Variants in RUNX1 observed in about 807,000 individuals in gnomAD.
RUNX1 encodes runt-related transcription factor 1.
A neutral mutation model predicts 42.8 loss-of-function variants in RUNX1; 19 were observed. The ratio of observed to expected loss-of-function variants is 0.44; its 90% CI spans 0.31 to 0.65. The LOEUF is 0.65. RUNX1 is among the 30% of genes least tolerant of loss of function. RUNX1 has a pLI of 0.07. For missense variants in RUNX1, 528 were observed against 672.0 expected, an observed-to-expected ratio of 0.79 and a Z score of 2.37; for synonymous variants, 271 against 289.4, an observed-to-expected ratio of 0.94 and a Z score of 0.64.
At chr21:34,844,670 G>C (rs575325394) in intron 6 of RUNX1, among the ~76,000 whole-genome samples, 4 of 152,322 alleles carry the variant, frequency 2.6e-5, no homozygotes, top group Non-Finnish European at 1.5e-5. Context: ...CAGTGTGGAG[G>C]ATGATCTCTC....
rs1294622802 is a variant in RUNX1, at chr21:35,022,795, T to C, written c.58+26047A>G. ...CCGTAATCCCGGCTACTCAGGAAGC[T>C]GAGGCAGGAGAATTGCTTGAACCCA... On this transcript the variant is annotated intron_variant, in intron 2 of 8. Coordinates refer to ENST00000675419, the MANE Select transcript of RUNX1 (RefSeq NM_001754.5). 4.6e-5 allele frequency among the ~76,000 whole-genome samples: 7 copies of C among 151,892 alleles called. No individual in the cohort carries two copies. In the South Asian group the frequency reaches 1.5e-3, roughly 32 times the overall value.
At chr21:35,041,971 TGA>T (rs1182917742) in intron 2 of RUNX1, among the ~76,000 whole-genome samples, 1 of 152,120 alleles carries the variant, frequency 6.6e-6, no homozygotes, top group Non-Finnish European at 1.5e-5. Context: ...GGGGGATTTT[TGA>T]GAGTTTAAAA....
chr21:34,794,977 G>C (rs570628403), intron 8 of RUNX1, among the ~76,000 whole-genome samples: 14 of 152,322 alleles, frequency 9.2e-5, no homozygotes, highest in African/African-American at 3.4e-4. Flanking sequence ...TGCAGATGTA[G>C]AAGGGCACCC....
intron 7 of RUNX1, among the ~76,000 whole-genome samples, chr21:34,806,972 G>C (rs377715933): frequency 6.6e-6 from 1 of 152,044 alleles, no homozygotes; most frequent in Non-Finnish European, 1.5e-5. Flanking sequence ...ACAGTACTTA[G>C]AGGGAAATTT....
intron 6 of RUNX1, chr21:34,856,556 A>G (rs1031305174): frequency 2.3e-6 from 1 of 441,908 alleles, no homozygotes; most frequent in Non-Finnish European, 4.4e-6. Flanking sequence ...AGACATCAGG[A>G]ACTCCTCATT....
intron 2 of RUNX1, among the ~76,000 whole-genome samples, chr21:34,952,090 G>A (rs1651446634): frequency 6.6e-6 from 1 of 152,126 alleles, no homozygotes; most frequent in Non-Finnish European, 1.5e-5. Flanking sequence ...CATGGATGAA[G>A]CTGGAAATCA....
At chr21:35,038,860 G>T (rs1394306225) in intron 2 of RUNX1, 1 of 401,202 alleles carries the variant, frequency 2.5e-6, no homozygotes, top group Non-Finnish European at 5.0e-6. Flanking sequence ...CTGCATGGAT[G>T]TGCACATTGG....
intron 2 of RUNX1, among the ~76,000 whole-genome samples, chr21:34,972,478 C>T (rs1432528642): frequency 1.3e-5 from 2 of 152,094 alleles, no homozygotes; most frequent in African/African-American, 4.8e-5. Flanking sequence ...ATGAAAATAA[C>T]CAAAAGCAAA....
chr21:34,874,070 C>T (rs2057777865), intron 5 of RUNX1, among the ~76,000 whole-genome samples: 1 of 151,880 alleles, frequency 6.6e-6, no homozygotes, highest in Admixed American at 6.6e-5. Flanking sequence ...GAATTTAGTC[C>T]TCAAAGATAA....
chr21:34,939,455 G>C (rs2058510438), intron 2 of RUNX1, among the ~76,000 whole-genome samples: 1 of 152,174 alleles, frequency 6.6e-6, no homozygotes, highest in Admixed American at 6.5e-5. Context: ...TGATATGTAG[G>C]AAAGTTACAC....
intron 5 of RUNX1, among the ~76,000 whole-genome samples, chr21:34,879,882 A>G (rs903667301): frequency 4.6e-5 from 7 of 152,232 alleles, no homozygotes; most frequent in African/African-American, 1.7e-4. Flanking sequence ...AAAATCACAC[A>G]TGGAGCTGAA....
Position 34,943,302 on chromosome 21 carries a change from C to T in RUNX1, c.59-50339G>A, listed in dbSNP as rs572640783. Among the ~76,000 whole-genome samples, 5 of 147,912 alleles carry T rather than the reference C, an allele frequency of 3.4e-5. No homozygotes were observed. The East Asian group carries it at 9.9e-4, about 29-fold the overall frequency. ...AGAATCTGTCTTGAGGAACATTTCC[C>T]CCTTTAACTTCTTTGCTGTCTTTAC... is the stretch of plus-strand genomic sequence containing the variant. On this transcript the variant is annotated intron_variant, in intron 2 of 8. Transcript: ENST00000675419.
intron 5 of RUNX1, among the ~76,000 whole-genome samples, chr21:34,875,704 G>A (rs910255930): frequency 2.0e-5 from 3 of 152,046 alleles, no homozygotes; most frequent in Admixed American, 6.6e-5. Context: ...ATAATACTGC[G>A]AGTCATTCAG....
chr21:34,894,601 G>T (rs1317772355), intron 2 of RUNX1, among the ~76,000 whole-genome samples: 1 of 152,058 alleles, frequency 6.6e-6, no homozygotes, highest in Non-Finnish European at 1.5e-5. Flanking sequence ...CAAACTGCAA[G>T]AGAGGGGAGG....
intron 6 of RUNX1, 30 bp from the exon 7 acceptor site, chr21:34,834,631 TGGGGGGAG>T: frequency 1.0e-6 from 1 of 974,494 alleles, no homozygotes; most frequent in Non-Finnish European, 1.6e-6. Flanking sequence ...GGGGAGGGGA[TGGGGGGAG>T]GGAAGGAGGG....
In RUNX1 at chr21:35,049,176, G is replaced by A. The variant is rs1037556327; in HGVS notation, c.-68C>T. 13 of 465,990 alleles carry A rather than the reference G, an allele frequency of 2.8e-5. No homozygotes were observed. Among genetic ancestry groups the A allele is most frequent in the Non-Finnish European group, 4.3e-5 (11 of 255,506 alleles). The allele number at this position is 465,990 out of a possible 1,614,324, so 28.9% of individuals were successfully genotyped here. On this transcript the variant is annotated 5_prime_UTR_variant, in exon 1 of 9. Transcript: ENST00000675419. The stretch of plus-strand genomic sequence containing the variant: ...GGGTTGGTGATGCTCACCACGCTGC[G>A]AAACCCTGTGGTTTGCATTCAGTGT...
chr21:34,821,353 A>C (rs2056905396), intron 7 of RUNX1: 1 of 1,203,374 alleles, frequency 8.3e-7, no homozygotes, highest in East Asian at 3.4e-5. Context: ...TATTTGATAA[A>C]AATATATCTC....
chr21:34,881,219 G>T (rs1029042494), intron 4 of RUNX1, among the ~76,000 whole-genome samples: 1 of 152,048 alleles, frequency 6.6e-6, no homozygotes, highest in African/African-American at 2.4e-5. Context: ...TCTTTTACTT[G>T]CTCAGACCTC....
intron 2 of RUNX1, among the ~76,000 whole-genome samples, chr21:34,995,206 A>C (rs570244362): frequency 6.6e-6 from 1 of 152,308 alleles, no homozygotes; most frequent in East Asian, 1.9e-4. Flanking sequence ...CTTTGGCCCT[A>C]CACATCAGAC....
Sources: allele counts gnomAD v4.1 joint callset (sites outside exome capture counted in the v4.1 genomes callset), GRCh38; gene constraint gnomAD v4.1.1; transcripts MANE v1.5; gene names NCBI Gene and HGNC (gene_info 2026-07-23, HGNC 2026-07-21).